The following GPHN variants were observed in gnomAD, a reference collection of about 807,000 sequenced individuals.
GPHN encodes gephyrin.
In GPHN, 17 loss-of-function variants were observed where a neutral mutation model predicts 95.5. The ratio of observed to expected loss-of-function variants is 0.18; its 90% CI spans 0.12 to 0.27. The LOEUF (loss-of-function observed/expected upper bound fraction) is 0.27, where lower values mean the gene tolerates loss of function less well. Among genes scored for constraint, GPHN ranks in the 10% least tolerant of loss-of-function variants. The pLI is 1.00. For synonymous variants in GPHN, 320 were observed against 322.5 expected, an observed-to-expected ratio of 0.99 and a Z score of 0.08; for missense variants, 660 against 978.1, an observed-to-expected ratio of 0.67 and a Z score of 4.34.
At chr14:66,675,151 T>G (rs1237708786) in intron 1 of GPHN, among the ~76,000 whole-genome samples, 3 of 151,576 alleles carry the variant, frequency 2.0e-5, no homozygotes, top group Non-Finnish European at 2.9e-5. Flanking sequence ...TTCCAGTTTT[T>G]TTTTTTTTTT....
At chr14:66,663,937 G>A (rs981416079) in intron 1 of GPHN, among the ~76,000 whole-genome samples, 5 of 152,204 alleles carry the variant, frequency 3.3e-5, no homozygotes, top group East Asian at 3.9e-4. Context: ...ACTAGCTATC[G>A]TAAATATATA....
At chr14:67,446,032 A>T in the GPHN span, 1 of 518,306 alleles carries the variant, frequency 1.9e-6, no homozygotes, top group Admixed American at 1.9e-5. Context: ...GTTCATTTTA[A>T]TGGCAAGATG....
intron 3 of GPHN, among the ~76,000 whole-genome samples, chr14:66,787,879 C>T (rs1361893910): frequency 6.8e-6 from 1 of 147,838 alleles, no homozygotes; most frequent in Non-Finnish European, 1.5e-5. Context: ...TACTGTAAAA[C>T]TGTCAGAAGA....
chr14:67,690,016 T>G, the GPHN span: 4 of 564,012 alleles, frequency 7.1e-6, no homozygotes, highest in Non-Finnish European at 1.3e-5. Context: ...GCCTTCAGAC[T>G]CAAAGTCAGA....
chr14:66,984,836 T>G (rs532637866), intron 9 of GPHN, among the ~76,000 whole-genome samples: 1 of 151,548 alleles, frequency 6.6e-6, no homozygotes, highest in Non-Finnish European at 1.5e-5. Context: ...TCCCCTTTGC[T>G]CTTCACCCTG....
the GPHN span, among the ~76,000 whole-genome samples, chr14:67,608,228 C>A: frequency 6.6e-6 from 1 of 151,782 alleles, no homozygotes; most frequent in Non-Finnish European, 1.5e-5. Context: ...TGGGTGAGAC[C>A]CTGTCTCGAA....
chr14:67,189,493 A>C, the GPHN span: 1 of 152,332 alleles, frequency 6.6e-6, no homozygotes, highest in Non-Finnish European at 1.5e-5. Context: ...AAAAGAGTGG[A>C]AACGTGCTAT....
chr14:67,161,499 C>T (rs1567428809), intron 19 of GPHN, among the ~76,000 whole-genome samples: 1 of 152,012 alleles, frequency 6.6e-6, no homozygotes, highest in Non-Finnish European at 1.5e-5. Context: ...CAGTGGCTCA[C>T]ACCTATAATC....
chr14:67,576,119 TG>T, the GPHN span: 2 of 789,928 alleles, frequency 2.5e-6, no homozygotes, highest in South Asian at 3.7e-5. The surrounding 1 kb of genome is among the most constrained non-coding windows in gnomAD (Gnocchi z 4.0). Flanking sequence ...TTGGACACTT[TG>T]GCAACTAATA....
At chr14:67,302,880 TAACAA>T in the GPHN span, among the ~76,000 whole-genome samples, 1 of 152,218 alleles carries the variant, frequency 6.6e-6, no homozygotes, top group African/African-American at 2.4e-5. Context: ...TGGGAAACAG[TAACAA>T]AACAAAGTCT....
chr14:67,690,216 T>C, the GPHN span: 4 of 1,612,986 alleles, frequency 2.5e-6, no homozygotes, highest in Non-Finnish European at 3.4e-6. Context: ...GCCCACCTTT[T>C]AGTCTCCGGG....
At chr14:67,418,666 C>G in the GPHN span, among the ~76,000 whole-genome samples, 23 of 152,328 alleles carry the variant, frequency 1.5e-4, 1 homozygote, top group African/African-American at 4.8e-4. Flanking sequence ...GTTGTAAACA[C>G]TGAGATCTGG....
chr14:67,148,933 T>C (rs921888546), intron 18 of GPHN, among the ~76,000 whole-genome samples: 1 of 152,148 alleles, frequency 6.6e-6, no homozygotes, highest in Admixed American at 6.5e-5. Context: ...CTTGAGTTCT[T>C]CCAGCAGCTA....
the GPHN span, among the ~76,000 whole-genome samples, chr14:67,629,839 T>C: frequency 6.6e-6 from 1 of 152,256 alleles, no homozygotes; most frequent in African/African-American, 2.4e-5. Flanking sequence ...AAAACCTTTC[T>C]AAGGATTTGT....
intron 13 of GPHN, among the ~76,000 whole-genome samples, chr14:67,109,040 G>T (rs1387293474): frequency 6.6e-6 from 1 of 152,074 alleles, no homozygotes; most frequent in Non-Finnish European, 1.5e-5. Context: ...AGCCTACATG[G>T]TGTGACCTGT....
the GPHN span, among the ~76,000 whole-genome samples, chr14:67,630,721 G>A: frequency 1.3e-5 from 2 of 152,110 alleles, no homozygotes; most frequent in African/African-American, 2.4e-5. Flanking sequence ...TGGGATTACA[G>A]GCAGCTGCCA....
chr14:67,203,113 C>A, the GPHN span: 1 of 1,613,268 alleles, frequency 6.2e-7, no homozygotes, highest in Non-Finnish European at 8.5e-7. Context: ...AGAGGTGAAT[C>A]CATTTACCTT....
chr14:66,887,777 A>G (rs1344147504), intron 5 of GPHN, among the ~76,000 whole-genome samples: 1 of 152,224 alleles, frequency 6.6e-6, no homozygotes, highest in East Asian at 1.9e-4. Flanking sequence ...AGAAGTAGAC[A>G]TGGCAGGAAT....
chr14:67,147,163 T>A (rs1047267064), intron 18 of GPHN, among the ~76,000 whole-genome samples: 1 of 152,256 alleles, frequency 6.6e-6, no homozygotes, highest in South Asian at 2.1e-4. Flanking sequence ...TCTGCTTTCC[T>A]GAAGCCATCA....
Sources: allele counts gnomAD v4.1 joint callset (sites outside exome capture counted in the v4.1 genomes callset), GRCh38; gene constraint gnomAD v4.1.1; non-coding constraint Gnocchi (gnomAD v3.1); transcripts MANE v1.5; gene names NCBI Gene and HGNC (gene_info 2026-07-23, HGNC 2026-07-21).